Variants in XPO5 observed in about 807,000 individuals in gnomAD.
XPO5 encodes exportin-5.
XPO5 carries 46 observed loss-of-function variants against 160.6 expected under a neutral mutation model. That is an observed-to-expected ratio of 0.29 (90% CI 0.23 to 0.37). The LOEUF (loss-of-function observed/expected upper bound fraction) is 0.37. Among genes scored for constraint, XPO5 ranks in the 10% least tolerant of loss-of-function variants. The probability of loss-of-function intolerance (pLI) is 1.00; values close to 1 mark genes in which losing one functional copy is unlikely to be tolerated. For synonymous variants in XPO5, 537 were observed against 519.3 expected (o/e 1.03, Z -0.46); for missense variants, 1,090 against 1,463.9 (o/e 0.74, Z 4.17).
intron 23 of XPO5, chr6:43,529,378 T>TAAAAA (rs35493258): frequency 1.1e-4 from 13 of 121,828 alleles, no homozygotes; most frequent in African/African-American, 2.8e-4. Flanking sequence ...CCGTCTCTAC[T>TAAAAA]AAAAAAAAAA....
At chr6:43,539,999 A>G (rs143638124) in intron 20 of XPO5, among the ~76,000 whole-genome samples, 8 of 152,378 alleles carry the variant, frequency 5.3e-5, no homozygotes, top group Non-Finnish European at 1.0e-4. Flanking sequence ...TCACGCCTAT[A>G]ATCCCAATAC....
Position 43,570,522 on chromosome 6 carries a change from CA to C in XPO5, c.600del (p.Asn200LysfsTer2). 6.2e-7 allele frequency: 1 copy of C among 1,613,290 alleles called. No individual in the cohort carries two copies. On this transcript the variant is annotated frameshift_variant, in exon 5 of 32. Coordinates refer to ENST00000265351, the MANE Select transcript of XPO5 (RefSeq NM_020750.3). LOFTEE classifies it high-confidence loss of function. ...FSFLLNTLQE[N>X]VNKYQQVKTD... is the part of the protein sequence containing the mutation. Reference sequence around the variant, plus strand: ...CTTACCACTTGCTGATACTTGTTTACATTTTCTTGAAGTGTGTTAAGCAGAA... The same window carrying C: ...CTTACCACTTGCTGATACTTGTTTACTTTTCTTGAAGTGTGTTAAGCAGAA...
chr6:43,558,384 G>C, intron 12 of XPO5, 117 bp downstream of exon 12: 1 of 848,328 alleles, frequency 1.2e-6, no homozygotes, highest in Non-Finnish European at 1.8e-6. Flanking sequence ...TAATAAGTAG[G>C]CTGCTATCCA....
chr6:43,562,194 A>C, intron 9 of XPO5, 53 bp downstream of exon 9: 1 of 1,455,568 alleles, frequency 6.9e-7, no homozygotes, highest in Non-Finnish European at 9.4e-7. Flanking sequence ...TAAGTTTCTA[A>C]ATGCTCTTCC....
intron 8 of XPO5, among the ~76,000 whole-genome samples, chr6:43,563,920 C>A (rs1762548208): frequency 6.6e-6 from 1 of 152,018 alleles, no homozygotes. Context: ...TTAGGCTAAA[C>A]TAAACTTATT....
At chr6:43,555,759 G>C (rs1317811512) in intron 13 of XPO5, 77 bp downstream of exon 13, 2 of 1,574,278 alleles carry the variant, frequency 1.3e-6, no homozygotes, top group Non-Finnish European at 1.7e-6. Context: ...TGTGTGTATA[G>C]CTCAGGCTCA....
chr6:43,559,856 C>A (rs1762314182), intron 11 of XPO5, among the ~76,000 whole-genome samples: 2 of 152,152 alleles, frequency 1.3e-5, no homozygotes, highest in Non-Finnish European at 2.9e-5. Flanking sequence ...ACTCTCATTG[C>A]CTAGGCTGGA....
chr6:43,529,574 G>GA (rs1267728878), intron 23 of XPO5: 1 of 178,760 alleles, frequency 5.6e-6, no homozygotes, highest in Non-Finnish European at 1.2e-5. Context: ...AAAAAGAAAA[G>GA]AAAGAAAGAG....
chr6:43,567,487 G>T, intron 6 of XPO5, 133 bp from the exon 7 acceptor site: 1 of 737,514 alleles, frequency 1.4e-6, no homozygotes, highest in Non-Finnish European at 2.1e-6. Flanking sequence ...AACAGTCACA[G>T]GTAGGGAACA....
At chr6:43,542,925 C>A (rs1006916090) in intron 20 of XPO5, among the ~76,000 whole-genome samples, 1 of 152,022 alleles carries the variant, frequency 6.6e-6, no homozygotes, top group African/African-American at 2.4e-5. Context: ...ATAAGAATGT[C>A]AACAGCAGCA....
At chr6:43,573,314 A>G (rs906593803) in intron 2 of XPO5, 166 bp downstream of exon 2, 32 of 891,094 alleles carry the variant, frequency 3.6e-5, no homozygotes, top group Non-Finnish European at 4.7e-5. Context: ...GAAAGGTTAA[A>G]TCTTGAATGA....
chr6:43,526,467 G>A (rs1793596848), intron 27 of XPO5: 1 of 580,372 alleles, frequency 1.7e-6, no homozygotes, highest in Non-Finnish European at 3.1e-6. Context: ...TCACATATAT[G>A]GTTGGGAGGA....
In XPO5 at chr6:43,560,941, T is replaced by G; in HGVS notation, c.1078A>C (p.Thr360Pro). The part of the protein sequence containing the change: ...GKYLESFLAF[T>P]THPSQFLRSS... ...AAGTTTACCTGACTTGGATGGGTTG[T>G]GAAAGCAAGAAAAGATTCCAGGTAT... The change falls in exon 10 of 32, where the codon ACA (threonine) becomes CCA (proline). Residue 360 changes from threonine to proline, a missense_variant. Coordinates refer to ENST00000265351, the MANE Select transcript of XPO5 (RefSeq NM_020750.3). 6.2e-7 allele frequency: 1 copy of G among 1,613,942 alleles called. No individual in the cohort carries two copies. The highest frequency in any genetic ancestry group is 1.7e-5 in the Admixed American group (1 of 60,016).
Position 43,524,814 on chromosome 6 carries a change from A to G in XPO5, c.3312+17T>C, listed in dbSNP as rs755974210. The G allele has an allele frequency of 1.7e-5, 27 of 1,609,874 alleles. No homozygotes were observed. The highest frequency in any genetic ancestry group is 1.4e-4 in the South Asian group (13 of 91,014). ...ATGAAGCTGCAGCCATCCTTCCCCC[A>G]TGCCTTCCCCACTCACCAGTGCCTC... On this transcript the variant is annotated intron_variant, in intron 30 of 31. Coordinates refer to ENST00000265351, the MANE Select transcript of XPO5 (RefSeq NM_020750.3).
chr6:43,556,355 C>G (rs1762088440), intron 12 of XPO5, among the ~76,000 whole-genome samples: 2 of 151,930 alleles, frequency 1.3e-5, no homozygotes, highest in African/African-American at 4.8e-5. Context: ...GAGACCCAGT[C>G]TCTACCAAAA....
At chr6:43,539,314 G>A (rs531148646) in intron 20 of XPO5, 29 of 1,565,446 alleles carry the variant, frequency 1.9e-5, no homozygotes, top group East Asian at 4.5e-5. Flanking sequence ...TGTAGTCCCC[G>A]ATAGCAACAA....
At position 43,523,830 on chromosome 6, in the gene XPO5, G is replaced by A; in HGVS notation, c.*38C>T. 6.2e-7 allele frequency: 1 copy of A among 1,613,886 alleles called. No individual in the cohort carries two copies. Among genetic ancestry groups the A allele is most frequent in the Non-Finnish European group, 8.5e-7 (1 of 1,179,828 alleles). On this transcript the variant is annotated 3_prime_UTR_variant, in exon 32 of 32. Coordinates refer to ENST00000265351, the MANE Select transcript of XPO5 (RefSeq NM_020750.3). ...TCGGCTACAAAGGGAAAGAAGAGAT[G>A]ACAAGAAAGGCCGAGGAAGGATGCC...
Position 43,557,166 on chromosome 6 carries a change from C to T in XPO5, c.1313-1202G>A, listed in dbSNP as rs554776101. ...AAAAGGCTGGGTGTGGTGGCTTACG[C>T]CTGTAATCCTAGTACTTTGGGAAGC... is the stretch of plus-strand genomic sequence containing the variant. On this transcript the variant is annotated intron_variant, in intron 12 of 31. Transcript: ENST00000265351. Among the ~76,000 whole-genome samples, 5 of 142,300 alleles carry T rather than the reference C, an allele frequency of 3.5e-5. No individual in the cohort carries two copies. In the South Asian group the frequency reaches 8.8e-4, roughly 25 times the overall value. 93.4% of individuals were successfully genotyped at this position (142,300 alleles called of 152,430 possible). A position where few individuals can be genotyped will look rare whatever the true frequency, so the allele number is the denominator to read the frequency against.
chr6:43,562,561 A>G lies in XPO5; in HGVS notation c.912-215T>C, dbSNP rs1157014792. 4 of 511,740 alleles carry G rather than the reference A, an allele frequency of 7.8e-6. No individual in the cohort carries two copies. In the East Asian group the frequency reaches 1.4e-4, roughly 18 times the overall value. The allele number at this position is 511,740 out of a possible 1,614,324, so 31.7% of individuals were successfully genotyped here. On this transcript the variant is annotated intron_variant, in intron 8 of 31. Transcript: ENST00000265351. ...ATATAGGACTATTCACACAAACAGC[A>G]ATTAATAACTATGAGTGTGAAAAGC...
Sources: gnomAD v4.1 joint callset for allele counts (sites outside exome capture counted in the v4.1 genomes callset) on GRCh38, gnomAD v4.1.1 for gene constraint, MANE v1.5 for transcripts, NCBI Gene and HGNC (gene_info 2026-07-23, HGNC 2026-07-21) for gene names.